AFG2A: variants seen among roughly 807,000 people sequenced by gnomAD.
AFG2A encodes the protein ATPase family gene 2 protein homolog A.
At chr4:122,990,524 G>A in the AFG2A span, among the ~76,000 whole-genome samples, 6 of 151,934 alleles carry the variant, frequency 3.9e-5, no homozygotes, top group Non-Finnish European at 8.8e-5. Context: ...CAAAACAAAG[G>A]AAACTAAAAT....
At chr4:123,064,715 T>A in the AFG2A span, among the ~76,000 whole-genome samples, 2 of 152,220 alleles carry the variant, frequency 1.3e-5, no homozygotes, top group South Asian at 4.1e-4. Context: ...GGACATTTCA[T>A]AGGATCCTAA....
At chr4:123,298,872 T>A in the AFG2A span, among the ~76,000 whole-genome samples, 1 of 152,338 alleles carries the variant, frequency 6.6e-6, no homozygotes, top group South Asian at 2.1e-4. Flanking sequence ...AAATGAGCAA[T>A]CAGCAGCAAG....
the AFG2A span, among the ~76,000 whole-genome samples, chr4:123,012,158 G>C: frequency 7.1e-6 from 1 of 141,428 alleles, no homozygotes; most frequent in African/African-American, 2.7e-5. Context: ...CAGGAAAGTG[G>C]AGAAGGGGTG....
At chr4:123,238,698 C>G in the AFG2A span, among the ~76,000 whole-genome samples, 4 of 152,098 alleles carry the variant, frequency 2.6e-5, no homozygotes, top group Admixed American at 6.5e-5. Context: ...CATCAAAGAC[C>G]AAAGGTAGAT....
chr4:123,279,268 G>T, the AFG2A span, among the ~76,000 whole-genome samples: 1 of 151,866 alleles, frequency 6.6e-6, no homozygotes. Context: ...ATACAAAAAT[G>T]AGCCGGGCGT....
chr4:123,015,796 G>C, the AFG2A span, among the ~76,000 whole-genome samples: 2 of 105,662 alleles, frequency 1.9e-5, no homozygotes, highest in African/African-American at 6.5e-5. Context: ...CGGACCGGGC[G>C]GCTCGGGTGG....
the AFG2A span, among the ~76,000 whole-genome samples, chr4:123,254,089 T>A: frequency 1.3e-5 from 2 of 152,202 alleles, no homozygotes; most frequent in African/African-American, 4.8e-5. Context: ...GGATTCTTTA[T>A]ATATTTTGGA....
At chr4:123,297,462 C>T in the AFG2A span, among the ~76,000 whole-genome samples, 1 of 152,164 alleles carries the variant, frequency 6.6e-6, no homozygotes, top group Non-Finnish European at 1.5e-5. Flanking sequence ...TGGCTCATGC[C>T]TGTGATCCCA....
chr4:123,013,706 T>A, the AFG2A span, among the ~76,000 whole-genome samples: 1 of 152,212 alleles, frequency 6.6e-6, no homozygotes. Flanking sequence ...CTTTTTTCTA[T>A]ATTGCCCATC....
the AFG2A span, among the ~76,000 whole-genome samples, chr4:123,081,416 A>G: frequency 9.9e-5 from 15 of 152,090 alleles, no homozygotes; most frequent in South Asian, 2.1e-4. Context: ...GGCTTCTTTC[A>G]TGTAGTAGTA....
chr4:123,060,207 A>T, the AFG2A span, among the ~76,000 whole-genome samples: 1 of 152,204 alleles, frequency 6.6e-6, no homozygotes, highest in Admixed American at 6.5e-5. Flanking sequence ...ATGGTGCCAC[A>T]GGCACATGGT....
At chr4:123,091,656 TAGTC>T in the AFG2A span, among the ~76,000 whole-genome samples, 2 of 152,222 alleles carry the variant, frequency 1.3e-5, no homozygotes, top group African/African-American at 2.4e-5. Flanking sequence ...TTTAAGAAGT[TAGTC>T]AGGCTGTCAC....
chr4:123,157,976 C>T, the AFG2A span, among the ~76,000 whole-genome samples: 28 of 152,100 alleles, frequency 1.8e-4, no homozygotes, highest in Non-Finnish European at 3.5e-4. Flanking sequence ...GTTCCCCATA[C>T]GCACATATAC....
chr4:122,942,180 A>T, the AFG2A span, among the ~76,000 whole-genome samples: 1 of 149,964 alleles, frequency 6.7e-6, no homozygotes, highest in Non-Finnish European at 1.5e-5. Context: ...CTCTTTTTCT[A>T]TTGATTGGAA....
the AFG2A span, among the ~76,000 whole-genome samples, chr4:122,936,422 T>A: frequency 2.6e-5 from 4 of 152,238 alleles, no homozygotes; most frequent in Non-Finnish European, 4.4e-5. Flanking sequence ...TCCATGACTT[T>A]CTTTAGGTGC....
At chr4:123,133,827 C>T in the AFG2A span, among the ~76,000 whole-genome samples, 2 of 152,304 alleles carry the variant, frequency 1.3e-5, no homozygotes, top group Admixed American at 1.3e-4. Context: ...GATGGCCAGT[C>T]TGACAGATGT....
chr4:123,192,080 G>A, the AFG2A span, among the ~76,000 whole-genome samples: 1 of 151,272 alleles, frequency 6.6e-6, no homozygotes, highest in Non-Finnish European at 1.5e-5. Context: ...AAGCTGGAGT[G>A]CAGTGGTGTG....
At chr4:123,312,345 CT>C in the AFG2A span, among the ~76,000 whole-genome samples, 1 of 152,182 alleles carries the variant, frequency 6.6e-6, no homozygotes, top group Non-Finnish European at 1.5e-5. Flanking sequence ...ATGTAGTGCT[CT>C]TTGCCTCTTC....
the AFG2A span, among the ~76,000 whole-genome samples, chr4:122,976,499 C>T: frequency 7.8e-3 from 1,191 of 152,250 alleles, 22 homozygotes; most frequent in African/African-American, 0.027. Flanking sequence ...TTTTATTCTA[C>T]GTCATCCTAG....
Sources: gnomAD v4.1 joint callset for allele counts (sites outside exome capture counted in the v4.1 genomes callset) on GRCh38, gnomAD v4.1.1 for gene constraint, MANE v1.5 for transcripts, NCBI Gene and HGNC (gene_info 2026-07-23, HGNC 2026-07-21) for gene names.